PRDM16: variants seen among roughly 807,000 people sequenced by gnomAD.
The protein encoded by PRDM16 is histone-lysine N-methyltransferase PRDM16.
Under a neutral mutation model 110.6 loss-of-function variants are expected in PRDM16, and 23 were observed. That is an observed-to-expected ratio of 0.21 (90% CI 0.15 to 0.29). PRDM16 has a LOEUF of 0.29. Among genes scored for constraint, PRDM16 ranks in the 10% least tolerant of loss-of-function variants. PRDM16 has a pLI of 1.00. For missense variants in PRDM16, 1,615 were observed against 1,794.3 expected, an observed-to-expected ratio of 0.90 and a Z score of 1.81; for synonymous variants, 799 against 781.8, an observed-to-expected ratio of 1.02 and a Z score of -0.37.
chr1:3,224,951 C>T (rs752840317), intron 2 of PRDM16, among the ~76,000 whole-genome samples: 10 of 152,342 alleles, frequency 6.6e-5, no homozygotes, highest in Admixed American at 1.3e-4. Context: ...GGGGCAGATA[C>T]GGTGCTTGGG....
rs1486934737 is a variant in PRDM16 at position 3,425,971 on chromosome 1, A to T, written c.3110-80A>T. On this transcript the variant is annotated intron_variant, in intron 13 of 16. Coordinates refer to ENST00000270722, the MANE Select transcript of PRDM16 (RefSeq NM_022114.4). This position sits in a 1 kb window ranked among gnomAD's most constrained non-coding sequence, Gnocchi z 6.9. Reference sequence around the variant, plus strand: ...GCCTCCCTAACAGCACCCCAGGTGTACCCCGTTCGCGGTTGGTTTGCCCCA... The same window carrying T: ...GCCTCCCTAACAGCACCCCAGGTGTTCCCCGTTCGCGGTTGGTTTGCCCCA... 1 of 1,475,528 alleles carries T rather than the reference A, an allele frequency of 6.8e-7. No homozygotes were observed. Among genetic ancestry groups the T allele is most frequent in the Non-Finnish European group, 9.1e-7 (1 of 1,093,384 alleles). The allele number at this position is 1,475,528 out of a possible 1,614,324, so 91.4% of individuals were successfully genotyped here.
chr1:3,346,630 C>T (rs754085967), intron 3 of PRDM16, among the ~76,000 whole-genome samples: 4 of 152,170 alleles, frequency 2.6e-5, no homozygotes, highest in Admixed American at 1.3e-4. Flanking sequence ...GATGGCCAGC[C>T]AGGCCCACCC....
At chr1:3,147,991 A>G (rs569785594) in intron 1 of PRDM16, among the ~76,000 whole-genome samples, 1 of 150,974 alleles carries the variant, frequency 6.6e-6, no homozygotes, top group South Asian at 2.1e-4. Flanking sequence ...TCTGAACCCC[A>G]TCCTGCGGCA....
At chr1:3,072,875 C>G (rs886128140) in intron 1 of PRDM16, among the ~76,000 whole-genome samples, 2 of 152,268 alleles carry the variant, frequency 1.3e-5, no homozygotes, top group African/African-American at 2.4e-5. Flanking sequence ...GTGTGTCACC[C>G]ACAGGCCCCC....
intron 1 of PRDM16, among the ~76,000 whole-genome samples, chr1:3,154,548 G>T (rs753818338): frequency 6.6e-5 from 10 of 152,190 alleles, no homozygotes; most frequent in Non-Finnish European, 1.2e-4. Flanking sequence ...CAGACCTCCT[G>T]CCCCCATGGC....
At chr1:3,374,763 G>A (rs1642964456) in intron 3 of PRDM16, among the ~76,000 whole-genome samples, 1 of 152,218 alleles carries the variant, frequency 6.6e-6, no homozygotes, top group African/African-American at 2.4e-5. Context: ...CCCTTCGGGG[G>A]TCCTGAGGAC....
At chr1:3,224,844 G>A (rs1639250306) in intron 2 of PRDM16, among the ~76,000 whole-genome samples, 2 of 152,240 alleles carry the variant, frequency 1.3e-5, no homozygotes, top group Admixed American at 1.3e-4. Context: ...AGAGCTCTGG[G>A]AAGGACTATG....
chr1:3,164,887 C>T (rs570475200), intron 1 of PRDM16, among the ~76,000 whole-genome samples: 99 of 152,250 alleles, frequency 6.5e-4, no homozygotes, highest in African/African-American at 2.3e-3. Context: ...GTGGGAAGGC[C>T]GTCGCCACCG....
chr1:3,303,795 T>C (rs911012521), intron 3 of PRDM16, among the ~76,000 whole-genome samples: 2 of 147,550 alleles, frequency 1.4e-5, no homozygotes, highest in Non-Finnish European at 3.0e-5. Context: ...TTCTGAGGGA[T>C]GTGCTGGGGA....
At chr1:3,305,552 T>C (rs936371453) in intron 3 of PRDM16, among the ~76,000 whole-genome samples, 3 of 152,240 alleles carry the variant, frequency 2.0e-5, no homozygotes, top group Non-Finnish European at 2.9e-5. Context: ...CAGGTAATGA[T>C]GTTGGCTGAA....
At chr1:3,127,457 G>A (rs12090422) in intron 1 of PRDM16, among the ~76,000 whole-genome samples, 4 of 152,170 alleles carry the variant, frequency 2.6e-5, no homozygotes, top group East Asian at 1.9e-4. Flanking sequence ...TTGCTTGCAC[G>A]ATCTGTGTGT....
intron 1 of PRDM16, among the ~76,000 whole-genome samples, chr1:3,091,679 G>A (rs1313885905): frequency 1.3e-5 from 2 of 152,212 alleles, no homozygotes; most frequent in Non-Finnish European, 2.9e-5. Flanking sequence ...TCCAGCAGCT[G>A]TGCTGTGCTC....
At chr1:3,304,353 G>T (rs1044103619) in intron 3 of PRDM16, among the ~76,000 whole-genome samples, 1 of 152,270 alleles carries the variant, frequency 6.6e-6, no homozygotes, top group African/African-American at 2.4e-5. Flanking sequence ...CTCTGAGAGA[G>T]TGGGGAGAAT....
chr1:3,356,264 C>CT (rs1036544444), intron 3 of PRDM16, among the ~76,000 whole-genome samples: 4 of 152,306 alleles, frequency 2.6e-5, no homozygotes, highest in Admixed American at 6.5e-5. Flanking sequence ...TCCAAAGCCC[C>CT]CCCCAGCCCC....
At chr1:3,287,268 C>T (rs61759191) in intron 3 of PRDM16, among the ~76,000 whole-genome samples, 14,384 of 93,698 alleles carry the variant, frequency 0.15, 288 homozygotes, top group Non-Finnish European at 0.2. Context: ...GGGCTGGAGG[C>T]GCCCCGCCAC....
At chr1:3,321,059 C>T (rs1037697670) in intron 3 of PRDM16, among the ~76,000 whole-genome samples, 13 of 152,202 alleles carry the variant, frequency 8.5e-5, no homozygotes, top group African/African-American at 2.9e-4. Context: ...GGTTTGCCCT[C>T]ATCACTTACC....
At chr1:3,151,748 C>T (rs906527218) in intron 1 of PRDM16, among the ~76,000 whole-genome samples, 2 of 152,204 alleles carry the variant, frequency 1.3e-5, no homozygotes, top group Non-Finnish European at 1.5e-5. Context: ...TGAGAATACA[C>T]GGCTCACTGT....
chr1:3,359,438 C>T lies in PRDM16; in HGVS notation c.439-25714C>T, dbSNP rs2483271. Among the ~76,000 whole-genome samples, 30,608 of 152,036 alleles carry T rather than the reference C, an allele frequency of 0.2. 3,742 individuals carry two copies. Among genetic ancestry groups the T allele is most frequent in the African/African-American group, 0.34 (14,201 of 41,438 alleles). On this transcript the variant is annotated intron_variant, in intron 3 of 16. Coordinates refer to ENST00000270722, the MANE Select transcript of PRDM16 (RefSeq NM_022114.4). The surrounding 1 kb of genome is among the most constrained non-coding windows in gnomAD (Gnocchi z 4.3). ...CATGGAACACATTGGAAGCCCTTGT[C>T]GGGTGCCACCTTCTAAGTAAACACA...
Position 3,412,190 on chromosome 1 carries a change from G to A in PRDM16, c.1993G>A (p.Val665Met), listed in dbSNP as rs781311082. 3 of 1,594,996 alleles carry A rather than the reference G, an allele frequency of 1.9e-6. No individual in the cohort carries two copies. The East Asian group carries it at 6.8e-5, about 36-fold the overall frequency. The change falls in exon 9 of 17, where the codon GTG becomes ATG. Residue 665 changes from valine to methionine, a missense_variant. Physicochemically the swap from Val to Met is conservative, Grantham distance 21 (BLOSUM62 1). Transcript: ENST00000270722. The part of the protein sequence containing the change: ...PPGAPNSVAE[V>M]PVFYSQHSFF... ...GGGGGCCCCGAACAGCGTGGCCGAG[G>A]TGCCTGTCTTCTATTCCCAGCACTC...
Sources: allele counts gnomAD v4.1 joint callset (sites outside exome capture counted in the v4.1 genomes callset), GRCh38; gene constraint gnomAD v4.1.1; non-coding constraint Gnocchi (gnomAD v3.1); transcripts MANE v1.5; gene names NCBI Gene and HGNC (gene_info 2026-07-23, HGNC 2026-07-21).